Variants in PGR observed in about 807,000 individuals in gnomAD.
PGR encodes progesterone receptor.
A neutral mutation model predicts 76.1 loss-of-function variants in PGR; 25 were observed. The ratio of observed to expected loss-of-function variants is 0.33; its 90% CI spans 0.24 to 0.46. PGR has a LOEUF of 0.46. Among genes scored for constraint, PGR ranks in the 20% least tolerant of loss-of-function variants. The pLI, the probability that PGR is intolerant of heterozygous loss-of-function variation, is 1.00. For synonymous variants in PGR, 579 were observed against 535.0 expected (o/e 1.08, Z -1.14); for missense variants, 1,172 against 1,225.3 (o/e 0.96, Z 0.65).
chr11:101,076,176 G>C (rs2135431917), intron 3 of PGR, among the ~76,000 whole-genome samples: 1 of 152,242 alleles, frequency 6.6e-6, no homozygotes, highest in African/African-American at 2.4e-5. Flanking sequence ...CAGGGACATG[G>C]ATGAAGCTGG....
intron 3 of PGR, among the ~76,000 whole-genome samples, chr11:101,078,903 A>G (rs1193537747): frequency 6.6e-6 from 1 of 152,178 alleles, no homozygotes; most frequent in African/African-American, 2.4e-5. Context: ...ATTCTTAACC[A>G]TAACAGCATG....
chr11:101,112,699 T>A (rs1306375404), intron 2 of PGR, among the ~76,000 whole-genome samples: 1 of 152,182 alleles, frequency 6.6e-6, no homozygotes, highest in East Asian at 1.9e-4. Context: ...TCACTTTCAA[T>A]TCCACATACC....
intron 3 of PGR, among the ~76,000 whole-genome samples, chr11:101,081,216 TGA>T (rs1047652505): frequency 6.6e-6 from 1 of 151,650 alleles, no homozygotes; most frequent in African/African-American, 2.4e-5. Flanking sequence ...GATCATGAGG[TGA>T]GGAGTTCAAG....
rs72556535 is a variant in PGR at position 101,096,882 on chromosome 11, C to A, written c.1790-5006G>T. Among the ~76,000 whole-genome samples the A allele has an allele frequency of 3.9e-5, 6 of 152,308 alleles. No homozygotes were observed. In the East Asian group the frequency reaches 1.2e-3, roughly 29 times the overall value. On this transcript the variant is annotated intron_variant, in intron 2 of 7. Coordinates refer to ENST00000325455, the MANE Select transcript of PGR (RefSeq NM_000926.4). ...AAACACGTCACTATATTAAACCACT[C>A]AGAGCATTCCATTTGCTGCCATCTT...
At position 101,129,116 on chromosome 11, in the gene PGR, G is replaced by A. The variant is rs747718126; in HGVS notation, c.-46C>T. ...CTCCTCCCCCGTCTCCAGGAGGAGG[G>A]AAAAGGGAAGGAGGAGGGGGTTTCG... is the stretch of plus-strand genomic sequence containing the variant. On this transcript the variant is annotated 5_prime_UTR_variant, in exon 1 of 8. Transcript: ENST00000325455. The A allele has an allele frequency of 2.1e-6, 3 of 1,440,056 alleles. No homozygotes were observed. The highest frequency in any genetic ancestry group is 2.6e-5 in the Admixed American group (1 of 38,342). 89.2% of individuals were successfully genotyped at this position (1,440,056 alleles called of 1,614,324 possible).
intron 4 of PGR, among the ~76,000 whole-genome samples, chr11:101,057,431 A>G (rs1860334462): frequency 6.6e-6 from 1 of 152,230 alleles, no homozygotes; most frequent in Non-Finnish European, 1.5e-5. Context: ...GAGCCAGATC[A>G]CAGAAAGCCC....
chr11:101,084,821 TTG>T (rs1861436985), intron 3 of PGR, among the ~76,000 whole-genome samples: 1 of 151,790 alleles, frequency 6.6e-6, no homozygotes, highest in African/African-American at 2.4e-5. Flanking sequence ...AGAGCAGGGG[TTG>T]CTATTCTTAG....
Position 101,085,525 on chromosome 11 carries a change from T to TAAAAAAAAAAAAAAAA in PGR, c.1906+6219_1906+6234dup, listed in dbSNP as rs1212568882. ...GACCTAACATCACACCTAGAGGAAC[T>TAAAAAAAAAAAAAAAA]AAAAAAAAAAAAAAAAAAAAAAAAA... On this transcript the variant is annotated intron_variant, in intron 3 of 7. Transcript: ENST00000325455. Among the ~76,000 whole-genome samples the TAAAAAAAAAAAAAAAA allele has an allele frequency of 1.5e-3, 64 of 42,290 alleles. 1 individual carries two copies. Among genetic ancestry groups the TAAAAAAAAAAAAAAAA allele is most frequent in the South Asian group, 2.3e-3 (2 of 876 alleles). 27.7% of individuals were successfully genotyped at this position (42,290 alleles called of 152,430 possible).
In PGR at chr11:101,049,932, T is replaced by C. The variant is rs1860031866; in HGVS notation, c.2485A>G (p.Thr829Ala). The change falls in exon 6 of 8, where the codon ACA (threonine) becomes GCA (alanine). Residue 829 changes from threonine to alanine, a missense_variant. Thr to Ala is a moderately conservative substitution (Grantham distance 58, BLOSUM62 0). This residue lies in a region of PGR where 166 missense variants were observed against 296.0 expected (regional missense o/e 0.56). Coordinates refer to ENST00000325455, the MANE Select transcript of PGR (RefSeq NM_000926.4). ...TAAGTTACTTGAACTCACTCACTTG[T>C]ATTAAGAAGTAACAATACTTTCATA... ...LCMKVLLLLNTIPLEGLRSQT... is the reference protein window; with the variant it reads ...LCMKVLLLLNAIPLEGLRSQT... 1.2e-6 allele frequency: 2 copies of C among 1,611,172 alleles called. No homozygotes were observed. The highest frequency in any genetic ancestry group is 8.5e-7 in the Non-Finnish European group (1 of 1,178,034).
At position 101,032,424 on chromosome 11, in the gene PGR, CTT is replaced by C; in HGVS notation, c.*6690_*6691del. The C allele has an allele frequency of 4.3e-6, 1 of 232,588 alleles. No individual in the cohort carries two copies. Among genetic ancestry groups the C allele is most frequent in the Non-Finnish European group, 8.5e-6 (1 of 117,680 alleles). 14.4% of individuals were successfully genotyped at this position (232,588 alleles called of 1,614,324 possible). A position where few individuals can be genotyped will look rare whatever the true frequency, so the allele number is the denominator to read the frequency against. On this transcript the variant is annotated 3_prime_UTR_variant, in exon 8 of 8. Transcript: ENST00000325455. Reference sequence around the variant, plus strand: ...TTTACAACAGAATCAAGTCTACACTCTTTAACATGGTGTACAAGGCCACTGAT... The same window carrying C: ...TTTACAACAGAATCAAGTCTACACTCTAACATGGTGTACAAGGCCACTGAT...
chr11:101,096,091 TA>T (rs1565356261), intron 2 of PGR, among the ~76,000 whole-genome samples: 1 of 152,138 alleles, frequency 6.6e-6, no homozygotes, highest in African/African-American at 2.4e-5. Flanking sequence ...AAGGAAATTA[TA>T]GTTACCAAAC....
intron 2 of PGR, among the ~76,000 whole-genome samples, chr11:101,116,378 G>A (rs757799388): frequency 7.2e-5 from 11 of 152,176 alleles, no homozygotes; most frequent in East Asian, 1.9e-4. Context: ...GAGACTAGGC[G>A]GGGCCAGTGT....
intron 2 of PGR, among the ~76,000 whole-genome samples, chr11:101,124,361 TCAAA>T (rs1426432427): frequency 2.6e-5 from 4 of 152,204 alleles, no homozygotes; most frequent in Non-Finnish European, 5.9e-5. Context: ...CTTCTGTGAA[TCAAA>T]CAGTTTATAT....
chr11:101,083,690 T>G, intron 3 of PGR, among the ~76,000 whole-genome samples: 1 of 152,186 alleles, frequency 6.6e-6, no homozygotes, highest in South Asian at 2.1e-4. Context: ...TGAACTTGCT[T>G]GGGGCCTGTA....
At chr11:101,080,427 A>C (rs1565348409) in intron 3 of PGR, among the ~76,000 whole-genome samples, 1 of 151,682 alleles carries the variant, frequency 6.6e-6, no homozygotes, top group Non-Finnish European at 1.5e-5. Flanking sequence ...GGAAACAAAA[A>C]AAATTATTAA....
Position 101,128,367 on chromosome 11 carries a change from G to T in PGR, c.704C>A (p.Pro235Gln). Reference sequence around the variant, plus strand: ...AGCCCGAGGTTTGCCCTTCAGAAGCGGACCCGCAGACTCCTCGGACTCAGA... The same window carrying T: ...AGCCCGAGGTTTGCCCTTCAGAAGCTGACCCGCAGACTCCTCGGACTCAGA... ...DGSESEESAG[P>Q]LLKGKPRALG... Residue 235 changes from proline to glutamine, a missense_variant, in exon 1 of 8, where the codon CCG becomes CAG. Coordinates refer to ENST00000325455, the MANE Select transcript of PGR (RefSeq NM_000926.4). The T allele has an allele frequency of 6.2e-7, 1 of 1,606,366 alleles. No individual in the cohort carries two copies.
chr11:101,055,414 C>CAAAA (rs61303675), intron 4 of PGR, among the ~76,000 whole-genome samples: 3 of 65,040 alleles, frequency 4.6e-5, no homozygotes, highest in African/African-American at 6.5e-5. Flanking sequence ...GACTCCATCT[C>CAAAA]AAAAAAAAAA....
chr11:101,052,846 T>C (rs763769266), intron 4 of PGR, among the ~76,000 whole-genome samples: 3 of 152,100 alleles, frequency 2.0e-5, no homozygotes, highest in Non-Finnish European at 2.9e-5. Context: ...AATACATCTT[T>C]CAGTATTTGT....
chr11:101,125,774 T>C (rs1405310338), intron 2 of PGR, among the ~76,000 whole-genome samples: 1 of 152,226 alleles, frequency 6.6e-6, no homozygotes, highest in African/African-American at 2.4e-5. Context: ...TTATGACTTA[T>C]GTCTAATACT....
Sources: allele counts gnomAD v4.1 joint callset (sites outside exome capture counted in the v4.1 genomes callset), GRCh38; gene constraint gnomAD v4.1.1; regional missense constraint gnomAD v4.1.1; transcripts MANE v1.5; gene names NCBI Gene and HGNC (gene_info 2026-07-23, HGNC 2026-07-21).